ABLIM2: variants seen among roughly 807,000 people sequenced by gnomAD.
The protein encoded by ABLIM2 is actin binding LIM protein family member 2.
ABLIM2 carries 53 observed loss-of-function variants against 97.7 expected under a neutral mutation model. That is an observed-to-expected ratio of 0.54 (90% CI 0.44 to 0.68). The LOEUF is 0.68. ABLIM2 is among the 30% of genes least tolerant of loss of function. ABLIM2 has a pLI of 0.00. For synonymous variants in ABLIM2, 361 were observed against 345.8 expected (o/e 1.04, Z -0.49); for missense variants, 835 against 867.2 (o/e 0.96, Z 0.47).
rs1024997262 is a variant in ABLIM2 at position 8,044,266 on chromosome 4, A to C, written c.900+898T>G. 6.6e-6 allele frequency among the ~76,000 whole-genome samples: 1 copy of C among 152,110 alleles called. No homozygotes were observed. Among genetic ancestry groups the C allele is most frequent in the Non-Finnish European group, 1.5e-5 (1 of 68,008 alleles). ...GGAGAAGGGGCTTGTCCCAGTCACCAGCCATTCCAGTGCTGGGTTCTGGTG... is the reference window on the plus strand; with the variant it reads ...GGAGAAGGGGCTTGTCCCAGTCACCCGCCATTCCAGTGCTGGGTTCTGGTG... On this transcript the variant is annotated intron_variant, in intron 9 of 20. Transcript: ENST00000447017. This position sits in a 1 kb window ranked among gnomAD's most constrained non-coding sequence, Gnocchi z 4.4.
chr4:8,145,745 T>TACACACACAC lies in ABLIM2; in HGVS notation c.10+12925_10+12934dup, dbSNP rs34195989. 1.3e-3 allele frequency among the ~76,000 whole-genome samples: 185 copies of TACACACACAC among 138,664 alleles called. 4 individuals are homozygous for TACACACACAC. The highest frequency in any genetic ancestry group is 4.0e-3 in the African/African-American group (150 of 37,458). 91.0% of individuals were successfully genotyped at this position (138,664 alleles called of 152,430 possible). A position where few individuals can be genotyped will look rare whatever the true frequency, so the allele number is the denominator to read the frequency against. On this transcript the variant is annotated intron_variant, in intron 1 of 20. Coordinates refer to ENST00000447017, the MANE Select transcript of ABLIM2 (RefSeq NM_001130083.2). ...AAATTATCCCCAGACTACACACTCA[T>TACACACACAC]ACACACACACACACACACACACACA...
intron 9 of ABLIM2, among the ~76,000 whole-genome samples, chr4:8,037,272 G>T (rs545060584): frequency 9.2e-4 from 139 of 151,678 alleles, no homozygotes; most frequent in South Asian, 2.7e-3. Flanking sequence ...ACACATACAT[G>T]TGCACACACA....
rs776964768 is a variant in ABLIM2 at position 8,029,714 on chromosome 4, C to A, written c.1110G>T (p.Ser370=). The change falls in exon 11 of 21, where the codon TCG becomes TCT. Residue 370 remains serine (S), a synonymous_variant. Transcript: ENST00000447017. ...TCGGAGTGTAGCGCCCGAGGCTAAC[C>A]GACCCAGTGGAGCTTGGGCTGGAGG... The part of the protein sequence containing the change: ...CRTSSPSSTG[S]VSLGRYTPTS... 2 of 1,553,426 alleles carry A rather than the reference C, an allele frequency of 1.3e-6. No homozygotes were observed. The highest frequency in any genetic ancestry group is 1.7e-6 in the Non-Finnish European group (2 of 1,148,474).
intron 20 of ABLIM2, among the ~76,000 whole-genome samples, chr4:7,979,854 T>G (rs1736607759): frequency 6.6e-6 from 1 of 152,176 alleles, no homozygotes; most frequent in Admixed American, 6.5e-5. Flanking sequence ...GGTGGTCATA[T>G]TACCTACTCA....
In ABLIM2 at chr4:7,996,034, C is replaced by T. The variant is rs982382303; in HGVS notation, c.1619-3107G>A. Reference sequence around the variant, plus strand: ...GGGTCCTCCAGGAGACACCTTCCTCCTCCTTCATGCCCAGAGCCAGGCATG... The same window carrying T: ...GGGTCCTCCAGGAGACACCTTCCTCTTCCTTCATGCCCAGAGCCAGGCATG... On this transcript the variant is annotated intron_variant, in intron 16 of 20. Coordinates refer to ENST00000447017, the MANE Select transcript of ABLIM2 (RefSeq NM_001130083.2). The surrounding 1 kb of genome is among the most constrained non-coding windows in gnomAD (Gnocchi z 4.5). Among the ~76,000 whole-genome samples the T allele has an allele frequency of 6.6e-6, 1 of 152,184 alleles. No individual in the cohort carries two copies. The highest frequency in any genetic ancestry group is 2.4e-5 in the African/African-American group (1 of 41,454).
At position 8,147,565 on chromosome 4, in the gene ABLIM2, C is replaced by T. The variant is rs748148540; in HGVS notation, c.10+11115G>A. 1.1e-4 allele frequency among the ~76,000 whole-genome samples: 16 copies of T among 152,070 alleles called. No individual in the cohort carries two copies. Among genetic ancestry groups the T allele is most frequent in the Non-Finnish European group, 1.6e-4 (11 of 68,028 alleles). On this transcript the variant is annotated intron_variant, in intron 1 of 20. Transcript: ENST00000447017. This position sits in a 1 kb window ranked among gnomAD's most constrained non-coding sequence, Gnocchi z 5.3. The stretch of plus-strand genomic sequence containing the variant: ...CTTATGGGGAGGAGGGAGCGGGAGA[C>T]GACACACACAGGGGAGAAGTAGCAT...
At chr4:8,034,502 T>G (rs865978758) in intron 10 of ABLIM2, among the ~76,000 whole-genome samples, 1 of 35,408 alleles carries the variant, frequency 2.8e-5, no homozygotes, top group African/African-American at 1.4e-4. Flanking sequence ...GGGTGGGTGG[T>G]AGGTAGGTGG....
intron 1 of ABLIM2, among the ~76,000 whole-genome samples, chr4:8,145,783 C>G (rs1472988913): frequency 2.7e-5 from 4 of 149,668 alleles, no homozygotes; most frequent in South Asian, 2.1e-4. Flanking sequence ...CACACACACA[C>G]ACACACGAGA....
chr4:8,015,451 T>A lies in ABLIM2; in HGVS notation c.1423+4167A>T, dbSNP rs981187502. Among the ~76,000 whole-genome samples the A allele has an allele frequency of 6.6e-6, 1 of 151,780 alleles. No homozygotes were observed. The highest frequency in any genetic ancestry group is 2.4e-5 in the African/African-American group (1 of 41,292). The stretch of plus-strand genomic sequence containing the variant: ...GGACACAGCCTGCCGTTCCTCCCCA[T>A]CCCGCCGGTCCCCAAACCAAAATGA... On this transcript the variant is annotated intron_variant, in intron 14 of 20. Transcript: ENST00000447017. The surrounding 1 kb of genome is among the most constrained non-coding windows in gnomAD (Gnocchi z 4.6).
rs961686291 is a variant in ABLIM2, at chr4:8,147,730, G to A, written c.10+10950C>T. Among the ~76,000 whole-genome samples, 8 of 152,180 alleles carry A rather than the reference G, an allele frequency of 5.3e-5. No individual in the cohort carries two copies. The highest frequency in any genetic ancestry group is 1.9e-4 in the East Asian group (1 of 5,192). On this transcript the variant is annotated intron_variant, in intron 1 of 20. Transcript: ENST00000447017. The surrounding 1 kb of genome is among the most constrained non-coding windows in gnomAD (Gnocchi z 5.3). ...CTGAGCCCCCGAGGGAGCTGCCAGC[G>A]CCGTTTAGCCTCGGACACTGACATT...
At position 8,022,031 on chromosome 4, in the gene ABLIM2, G is replaced by A. The variant is rs1260512347; in HGVS notation, c.1268-1728C>T. 3.3e-5 allele frequency among the ~76,000 whole-genome samples: 5 copies of A among 152,156 alleles called. No individual in the cohort carries two copies. The highest frequency in any genetic ancestry group is 7.4e-5 in the Non-Finnish European group (5 of 68,024). On this transcript the variant is annotated intron_variant, in intron 12 of 20. Transcript: ENST00000447017. This position sits in a 1 kb window ranked among gnomAD's most constrained non-coding sequence, Gnocchi z 7.8. Reference sequence around the variant, plus strand: ...GCAGGGGCCTCACAGCAGGGAGACTGGACTCACGTGCCCGGAAAGGACACC... The same window carrying A: ...GCAGGGGCCTCACAGCAGGGAGACTAGACTCACGTGCCCGGAAAGGACACC...
At chr4:8,036,062 A>G in intron 10 of ABLIM2, 87 bp downstream of exon 10, 1 of 1,503,524 alleles carries the variant, frequency 6.7e-7, no homozygotes, top group Non-Finnish European at 9.0e-7. Context: ...CTCTGGCCCC[A>G]TAGGACACAT....
In ABLIM2 at chr4:8,029,737, A is replaced by T; in HGVS notation, c.1087T>A (p.Ser363Thr). 6.4e-7 allele frequency: 1 copy of T among 1,560,416 alleles called. No individual in the cohort carries two copies. Among genetic ancestry groups the T allele is most frequent in the South Asian group, 1.2e-5 (1 of 84,548 alleles). Residue 363 changes from serine to threonine, a missense_variant, in exon 11 of 21, where the codon TCC becomes ACC. Coordinates refer to ENST00000447017, the MANE Select transcript of ABLIM2 (RefSeq NM_001130083.2). ...DDRSYKQCRT[S>T]SPSSTGSVSL... ...ACCGACCCAGTGGAGCTTGGGCTGG[A>T]GGTCCGACACTGCTTGTAGGACCGG...
At chr4:8,045,715 A>C (rs1225065622) in intron 8 of ABLIM2, among the ~76,000 whole-genome samples, 1 of 152,228 alleles carries the variant, frequency 6.6e-6, no homozygotes, top group Non-Finnish European at 1.5e-5. Context: ...TGGAATAAAC[A>C]CACAGGCTTG....
intron 17 of ABLIM2, chr4:7,989,437 C>G: frequency 1.0e-6 from 1 of 985,380 alleles, no homozygotes; most frequent in Non-Finnish European, 1.2e-6. Context: ...TGTATTTAAT[C>G]AAGGTGTCTG....
intron 6 of ABLIM2, among the ~76,000 whole-genome samples, chr4:8,062,007 T>G (rs1803470256): frequency 6.6e-6 from 1 of 151,814 alleles, no homozygotes; most frequent in Non-Finnish European, 1.5e-5. Flanking sequence ...TGGCCTCCTC[T>G]GCCAACCTCC....
chr4:8,016,947 G>A (rs572619936), intron 14 of ABLIM2, among the ~76,000 whole-genome samples: 5 of 152,288 alleles, frequency 3.3e-5, no homozygotes, highest in South Asian at 4.1e-4. Flanking sequence ...CATGCATCTC[G>A]GATTAGAATC....
chr4:8,133,950 A>ATG (rs1849800228), intron 1 of ABLIM2, among the ~76,000 whole-genome samples: 1 of 150,966 alleles, frequency 6.6e-6, no homozygotes, highest in Non-Finnish European at 1.5e-5. Flanking sequence ...ACGTGGGGAC[A>ATG]TGGGGGTCTC....
intron 1 of ABLIM2, among the ~76,000 whole-genome samples, chr4:8,144,257 C>T (rs1851450141): frequency 6.6e-6 from 1 of 152,208 alleles, no homozygotes; most frequent in Admixed American, 6.5e-5. Context: ...CAGCAAAATA[C>T]TCTTTCTAAG....
Sources: allele counts gnomAD v4.1 joint callset (sites outside exome capture counted in the v4.1 genomes callset), GRCh38; gene constraint gnomAD v4.1.1; non-coding constraint Gnocchi (gnomAD v3.1); transcripts MANE v1.5; gene names NCBI Gene and HGNC (gene_info 2026-07-23, HGNC 2026-07-21).